Variants in LCE1D observed in about 807,000 individuals in gnomAD.
LCE1D encodes late cornified envelope protein 1D.
For synonymous variants in LCE1D, 44 were observed against 65.0 expected (o/e 0.68, Z 1.55); for missense variants, 86 against 164.4 (o/e 0.52, Z 2.61).
At chr1:152,796,856 T>G (rs1652081174) in intron 1 of LCE1D, 85 bp downstream of exon 1, 1 of 134,210 alleles carries the variant, frequency 7.5e-6, no homozygotes, top group South Asian at 2.3e-4. Context: ...TTGTCAGAGG[T>G]GGAGAGTTTA....
chr1:152,797,023 T>G (rs1356727714), intron 1 of LCE1D, among the ~76,000 whole-genome samples: 1 of 135,478 alleles, frequency 7.4e-6, no homozygotes, highest in Non-Finnish European at 1.7e-5. Context: ...GTGGGAACTT[T>G]GAAGCACAGA....
chr1:152,797,362 G>A (rs1483524443), intron 1 of LCE1D, among the ~76,000 whole-genome samples: 1 of 135,280 alleles, frequency 7.4e-6, no homozygotes, highest in Non-Finnish European at 1.7e-5. Context: ...ATTGAAGTGA[G>A]TTTACTGACC....
chr1:152,798,086 G>T lies in LCE1D; in HGVS notation c.292G>T (p.Gly98Cys), dbSNP rs527370168. 4 of 1,426,752 alleles carry T rather than the reference G, an allele frequency of 2.8e-6. No individual in the cohort carries two copies. In the Admixed American group the frequency reaches 5.4e-5, roughly 19 times the overall value. 88.4% of individuals were successfully genotyped at this position (1,426,752 alleles called of 1,614,324 possible). Residue 98 changes from glycine to cysteine, a missense_variant, in exon 2 of 2, where the codon GGC becomes TGC. Coordinates refer to ENST00000326233, the MANE Select transcript of LCE1D (RefSeq NM_178352.3). ...TGACTGCTGCAGCCAGCCCTCGGGG[G>T]GCTCCAGCTGCTGCGGTGGGGGCAG... ...SSDCCSQPSG[G>C]SSCCGGGSSQ...
At chr1:152,797,709 A>C in intron 1 of LCE1D, 64 bp from the exon 2 acceptor site, 1 of 1,076,964 alleles carries the variant, frequency 9.3e-7, no homozygotes, top group South Asian at 1.3e-5. Context: ...AGAGGTGCTA[A>C]GAGTGTCACA....
intron 1 of LCE1D, 86 bp from the exon 2 acceptor site, chr1:152,797,687 C>A: frequency 1.1e-6 from 1 of 875,726 alleles, no homozygotes; most frequent in Non-Finnish European, 1.8e-6. Flanking sequence ...GAAGATGATG[C>A]TTTTAAACTT....
chr1:152,798,006 G>C lies in LCE1D; in HGVS notation c.212G>C (p.Cys71Ser). 6.9e-7 allele frequency: 1 copy of C among 1,440,130 alleles called. No homozygotes were observed. The highest frequency in any genetic ancestry group is 2.2e-5 in the East Asian group (1 of 44,756). 89.2% of individuals were successfully genotyped at this position (1,440,130 alleles called of 1,614,324 possible). Residue 71 changes from cysteine to serine, a missense_variant, in exon 2 of 2, where the codon TGC becomes TCC. Coordinates refer to ENST00000326233, the MANE Select transcript of LCE1D (RefSeq NM_178352.3). ...TGCTGCAGCTCTGGGGGTGGTGGCTGCTGCCTGAGCCACCACAGGCGCCAC... is the reference window on the plus strand; with the variant it reads ...TGCTGCAGCTCTGGGGGTGGTGGCTCCTGCCTGAGCCACCACAGGCGCCAC... ...GGCCSSGGGG[C>S]CLSHHRRHRS...
Position 152,798,001 on chromosome 1 carries a change from T to G in LCE1D, c.207T>G (p.Gly69=). The change falls in exon 2 of 2, where the codon GGT becomes GGG. Residue 69 remains glycine (G), a synonymous_variant. Transcript: ENST00000326233. ...GGGGCTGCTGCAGCTCTGGGGGTGGTGGCTGCTGCCTGAGCCACCACAGGC... is the reference window on the plus strand; with the variant it reads ...GGGGCTGCTGCAGCTCTGGGGGTGGGGGCTGCTGCCTGAGCCACCACAGGC... ...NSGGCCSSGG[G]GCCLSHHRRH... 1 of 1,439,860 alleles carries G rather than the reference T, an allele frequency of 6.9e-7. No homozygotes were observed. Among genetic ancestry groups the G allele is most frequent in the Non-Finnish European group, 9.7e-7 (1 of 1,034,276 alleles). The allele number at this position is 1,439,860 out of a possible 1,614,324, so 89.2% of individuals were successfully genotyped here. A position where few individuals can be genotyped will look rare whatever the true frequency, so the allele number is the denominator to read the frequency against.
At position 152,798,150 on chromosome 1, in the gene LCE1D, G is replaced by A; in HGVS notation, c.*11G>A. On this transcript the variant is annotated 3_prime_UTR_variant, in exon 2 of 2. Transcript: ENST00000326233. ...GGAGGCTGCTGCTGAAGTGGACCTT[G>A]ACTTCCTCTTCCTTCTGATTCTGCC... 1 of 1,355,894 alleles carries A rather than the reference G, an allele frequency of 7.4e-7. No individual in the cohort carries two copies. Among genetic ancestry groups the A allele is most frequent in the Non-Finnish European group, 1.0e-6 (1 of 987,826 alleles). The allele number at this position is 1,355,894 out of a possible 1,614,324, so 84.0% of individuals were successfully genotyped here.
At position 152,797,925 on chromosome 1, in the gene LCE1D, C is replaced by G. The variant is rs376381149; in HGVS notation, c.131C>G (p.Ser44Cys). Residue 44 changes from serine to cysteine, a missense_variant, in exon 2 of 2, where the codon TCC becomes TGC. Physicochemically the swap from Ser to Cys is moderately radical, Grantham distance 112 (BLOSUM62 -1). Coordinates refer to ENST00000326233, the MANE Select transcript of LCE1D (RefSeq NM_178352.3). The part of the protein sequence containing the change: ...PPVSSCCSVS[S>C]GGCCGSSSGG... ...GTCTCTTCCTGCTGCAGTGTCAGCT[C>G]CGGAGGCTGCTGTGGCTCCAGCTCT... The G allele has an allele frequency of 6.7e-7, 1 of 1,488,330 alleles. No homozygotes were observed. The highest frequency in any genetic ancestry group is 1.4e-5 in the African/African-American group (1 of 70,048). The allele number at this position is 1,488,330 out of a possible 1,614,324, so 92.2% of individuals were successfully genotyped here.
chr1:152,798,046 CA>C lies in LCE1D; in HGVS notation c.253del (p.Arg85AspfsTer?), dbSNP rs1652108494. Reference protein sequence around the residue: ...HHRRHRSHRRRPQSSDCCSQP... With the variant: ...HHRRHRSHRRXPQSSDCCSQP... ...ACAGGCGCCACAGGTCCCACCGTCG[CA>C]GACCCCAGAGCTCTGACTGCTGCAG... On this transcript the variant is annotated frameshift_variant, in exon 2 of 2. Transcript: ENST00000326233. LOFTEE classifies it high-confidence loss of function. 1 of 1,438,664 alleles carries C rather than the reference CA, an allele frequency of 7.0e-7. No individual in the cohort carries two copies. The highest frequency in any genetic ancestry group is 1.1e-5 in the South Asian group (1 of 87,232). 89.1% of individuals were successfully genotyped at this position (1,438,664 alleles called of 1,614,324 possible).
intron 1 of LCE1D, 23 bp from the exon 2 acceptor site, chr1:152,797,750 C>A: frequency 1.4e-6 from 2 of 1,405,076 alleles, no homozygotes; most frequent in East Asian, 2.2e-5. Context: ...CTGGGTCTGA[C>A]TTGTTATTTG....
chr1:152,797,640 G>A (rs183252464), intron 1 of LCE1D, 133 bp from the exon 2 acceptor site: 2 of 674,490 alleles, frequency 3.0e-6, no homozygotes, highest in East Asian at 4.9e-5. Flanking sequence ...AAAAGATGAT[G>A]TGAGATTTTG....
rs765996981 is a variant in LCE1D at position 152,797,993 on chromosome 1, G to A, written c.199G>A (p.Gly67Arg). ...CAACTCTGGGGGCTGCTGCAGCTCT[G>A]GGGGTGGTGGCTGCTGCCTGAGCCA... ...GSNSGGCCSSGGGGCCLSHHR... is the reference protein window; with the variant it reads ...GSNSGGCCSSRGGGCCLSHHR... The change falls in exon 2 of 2, where the codon GGG becomes AGG. Residue 67 changes from glycine to arginine, a missense_variant. Gly to Arg is a moderately radical substitution (Grantham distance 125). Coordinates refer to ENST00000326233, the MANE Select transcript of LCE1D (RefSeq NM_178352.3). 91 of 1,440,284 alleles carry A rather than the reference G, an allele frequency of 6.3e-5. 16 individuals carry two copies. Among genetic ancestry groups the A allele is most frequent in the Admixed American group, 8.8e-5 (5 of 56,814 alleles). 89.2% of individuals were successfully genotyped at this position (1,440,284 alleles called of 1,614,324 possible). A position where few individuals can be genotyped will look rare whatever the true frequency, so the allele number is the denominator to read the frequency against.
intron 1 of LCE1D, among the ~76,000 whole-genome samples, chr1:152,797,122 G>A (rs1231324944): frequency 7.4e-6 from 1 of 134,978 alleles, no homozygotes; most frequent in African/African-American, 2.6e-5. Context: ...AACTGGAGCT[G>A]TGGACATGGG....
rs750034273 is a variant in LCE1D, at chr1:152,797,911, C to G, written c.117C>G (p.Cys39Trp). Residue 39 changes from cysteine to tryptophan, a missense_variant, in exon 2 of 2, where the codon TGC becomes TGG. Cys to Trp is a radical substitution (Grantham distance 215). Coordinates refer to ENST00000326233, the MANE Select transcript of LCE1D (RefSeq NM_178352.3). ...CTAAGTGCCCTCCAGTCTCTTCCTG[C>G]TGCAGTGTCAGCTCCGGAGGCTGCT... ...CPPKCPPVSS[C>W]CSVSSGGCCG... is the part of the protein sequence containing the mutation. 1.0e-5 allele frequency: 15 copies of G among 1,475,128 alleles called. 2 individuals carry two copies. The South Asian group carries it at 1.7e-4, about 17-fold the overall frequency. 91.4% of individuals were successfully genotyped at this position (1,475,128 alleles called of 1,614,324 possible). A position where few individuals can be genotyped will look rare whatever the true frequency, so the allele number is the denominator to read the frequency against.
chr1:152,797,369 G>A (rs1247560572), intron 1 of LCE1D, among the ~76,000 whole-genome samples: 1 of 135,268 alleles, frequency 7.4e-6, no homozygotes, highest in African/African-American at 2.6e-5. Context: ...TGAGTTTACT[G>A]ACCTAGTAGT....
rs1377408240 is a variant in LCE1D at position 152,798,021 on chromosome 1, A to G, written c.227A>G (p.His76Arg). The G allele has an allele frequency of 6.9e-7, 1 of 1,439,060 alleles. No homozygotes were observed. Among genetic ancestry groups the G allele is most frequent in the Admixed American group, 1.8e-5 (1 of 56,746 alleles). The allele number at this position is 1,439,060 out of a possible 1,614,324, so 89.1% of individuals were successfully genotyped here. The change falls in exon 2 of 2, where the codon CAC becomes CGC. Residue 76 changes from histidine to arginine, a missense_variant. Transcript: ENST00000326233. The stretch of plus-strand genomic sequence containing the variant: ...GGTGGTGGCTGCTGCCTGAGCCACC[A>G]CAGGCGCCACAGGTCCCACCGTCGC... ...SGGGGCCLSH[H>R]RRHRSHRRRP...
rs991727809 is a variant in LCE1D at position 152,796,821 on chromosome 1, C to T, written c.-23+50C>T. On this transcript the variant is annotated intron_variant, in intron 1 of 1. Transcript: ENST00000326233. ...GAACAGAGCAGGAGGGAAGGAGGGG[C>T]AGGGCCTCCGGGGCTAGGGCCATGT... 3 of 136,854 alleles carry T rather than the reference C, an allele frequency of 2.2e-5. 1 individual carries two copies. The highest frequency in any genetic ancestry group is 7.8e-5 in the African/African-American group (3 of 38,294). The allele number at this position is 136,854 out of a possible 1,614,324, so 8.5% of individuals were successfully genotyped here.
Position 152,797,905 on chromosome 1 carries a change from T to C in LCE1D, c.111T>C (p.Ser37=), listed in dbSNP as rs1380772350. ...PKCPPKCPPV[S]SCCSVSSGGC... is the part of the protein sequence containing the mutation. ...GTCCCCCTAAGTGCCCTCCAGTCTC[T>C]TCCTGCTGCAGTGTCAGCTCCGGAG... The change falls in exon 2 of 2, where the codon TCT becomes TCC. Residue 37 remains serine, a synonymous_variant. Coordinates refer to ENST00000326233, the MANE Select transcript of LCE1D (RefSeq NM_178352.3). 3 of 1,468,632 alleles carry C rather than the reference T, an allele frequency of 2.0e-6. 1 individual carries two copies. The highest frequency in any genetic ancestry group is 3.5e-5 in the Admixed American group (2 of 56,892). The allele number at this position is 1,468,632 out of a possible 1,614,324, so 91.0% of individuals were successfully genotyped here.
Sources: gnomAD v4.1 joint callset for allele counts (sites outside exome capture counted in the v4.1 genomes callset) on GRCh38, gnomAD v4.1.1 for gene constraint, MANE v1.5 for transcripts, NCBI Gene and HGNC (gene_info 2026-07-23, HGNC 2026-07-21) for gene names.